PRELID2: variants seen among roughly 807,000 people sequenced by gnomAD.
The protein encoded by PRELID2 is PRELI domain containing 2.
Under a neutral mutation model 28.4 loss-of-function variants are expected in PRELID2, and 25 were observed. The ratio of observed to expected loss-of-function variants is 0.88; its 90% CI spans 0.64 to 1.23. The LOEUF (loss-of-function observed/expected upper bound fraction) is 1.23, where lower values mean the gene tolerates loss of function less well. Ranked by LOEUF, PRELID2 falls within the 50% of genes most tolerant of loss-of-function variation. The pLI, the probability that PRELID2 is intolerant of heterozygous loss-of-function variation, is 0.00. For synonymous variants in PRELID2, 76 were observed against 71.6 expected (o/e 1.06, Z -0.31); for missense variants, 201 against 214.4 (o/e 0.94, Z 0.39).
At chr5:145,333,434 T>C in the PRELID2 span, among the ~76,000 whole-genome samples, 1 of 152,198 alleles carries the variant, frequency 6.6e-6, no homozygotes, top group Non-Finnish European at 1.5e-5. Context: ...AGCCCCTGAC[T>C]GGGGCTGCTG....
intron 1 of PRELID2, among the ~76,000 whole-genome samples, chr5:145,585,200 C>A (rs1329332259): frequency 6.6e-6 from 1 of 152,132 alleles, no homozygotes; most frequent in African/African-American, 2.4e-5. Flanking sequence ...AAACCAAACA[C>A]CACATGTTCT....
At chr5:145,641,441 G>T (rs540052374) in intron 1 of PRELID2, among the ~76,000 whole-genome samples, 12 of 152,166 alleles carry the variant, frequency 7.9e-5, no homozygotes, top group African/African-American at 2.7e-4. Context: ...ATGCCATTTC[G>T]CAAACACTAA....
intron 1 of PRELID2, among the ~76,000 whole-genome samples, chr5:145,525,409 G>C (rs760141032): frequency 6.6e-6 from 1 of 152,064 alleles, no homozygotes. Flanking sequence ...TAATGATATC[G>C]CCTTTTTAAA....
chr5:145,431,009 T>TG, the PRELID2 span, among the ~76,000 whole-genome samples: 4 of 137,454 alleles, frequency 2.9e-5, no homozygotes, highest in African/African-American at 6.0e-5. Context: ...GGCAATGGTT[T>TG]TTTTTTTTTT....
chr5:145,733,664 C>A (rs891719784), intron 1 of PRELID2, among the ~76,000 whole-genome samples: 1 of 152,170 alleles, frequency 6.6e-6, no homozygotes. Flanking sequence ...ACATCTAACT[C>A]AAAAGCAATC....
intron 1 of PRELID2, among the ~76,000 whole-genome samples, chr5:145,741,405 AAATTTATTTAT>A (rs1464973239): frequency 5.9e-5 from 6 of 102,496 alleles, no homozygotes; most frequent in South Asian, 6.0e-4. Context: ...TATATAAACA[AAATTTATTTAT>A]AATTTATTTA....
the PRELID2 span, among the ~76,000 whole-genome samples, chr5:145,294,938 T>C: frequency 8.5e-4 from 129 of 152,286 alleles, 4 homozygotes; most frequent in East Asian, 0.015. Flanking sequence ...ACAACAAACA[T>C]GTTTTTTATT....
chr5:145,427,480 G>C, the PRELID2 span, among the ~76,000 whole-genome samples: 1 of 152,116 alleles, frequency 6.6e-6, no homozygotes, highest in Non-Finnish European at 1.5e-5. Context: ...ATACCCCTTG[G>C]AATTAACTAG....
intron 1 of PRELID2, among the ~76,000 whole-genome samples, chr5:145,524,650 C>T (rs1752592481): frequency 6.6e-6 from 1 of 152,168 alleles, no homozygotes. Context: ...TGTTTGATGT[C>T]CCAGTGACTT....
At chr5:145,699,094 CA>C (rs1333750854) in intron 1 of PRELID2, among the ~76,000 whole-genome samples, 2 of 152,106 alleles carry the variant, frequency 1.3e-5, no homozygotes, top group East Asian at 3.9e-4. Flanking sequence ...TTGGGAGAAA[CA>C]CAAACATTCG....
chr5:145,692,449 C>T (rs1186182274), intron 1 of PRELID2, among the ~76,000 whole-genome samples: 1 of 152,068 alleles, frequency 6.6e-6, no homozygotes. Flanking sequence ...AAAGGGAATA[C>T]TTGACCAGCT....
intron 1 of PRELID2, among the ~76,000 whole-genome samples, chr5:145,579,480 T>G (rs1260559132): frequency 1.3e-5 from 2 of 152,086 alleles, no homozygotes; most frequent in African/African-American, 4.8e-5. Flanking sequence ...TCTGGCCCAT[T>G]GAAGTTTAAG....
chr5:145,781,721 ATATATATATAC>A (rs928954287), intron 5 of PRELID2, among the ~76,000 whole-genome samples: 105 of 146,140 alleles, frequency 7.2e-4, no homozygotes, highest in Non-Finnish European at 1.1e-3. Flanking sequence ...CACACACACT[ATATATATATAC>A]TATATATATA....
intron 1 of PRELID2, among the ~76,000 whole-genome samples, chr5:145,647,211 C>A (rs1235734594): frequency 1.3e-5 from 2 of 152,206 alleles, no homozygotes; most frequent in Non-Finnish European, 2.9e-5. Context: ...CAGAGATGCC[C>A]TGCCCAGAGA....
intron 4 of PRELID2, among the ~76,000 whole-genome samples, chr5:145,812,585 C>T (rs1561638300): frequency 6.6e-6 from 1 of 152,180 alleles, no homozygotes; most frequent in Non-Finnish European, 1.5e-5. Flanking sequence ...ATACATACAT[C>T]AAGCACTTAG....
chr5:145,229,640 G>C, the PRELID2 span: 1 of 923,010 alleles, frequency 1.1e-6, no homozygotes. Context: ...ATCTTCACCA[G>C]ACAAAGGCCC....
chr5:145,675,746 T>A (rs1414364837), intron 1 of PRELID2, among the ~76,000 whole-genome samples: 1 of 152,072 alleles, frequency 6.6e-6, no homozygotes, highest in Non-Finnish European at 1.5e-5. Flanking sequence ...AGAAAAAAAA[T>A]GTGACAAATA....
the PRELID2 span, among the ~76,000 whole-genome samples, chr5:145,335,147 T>A: frequency 6.6e-6 from 1 of 152,044 alleles, no homozygotes; most frequent in Non-Finnish European, 1.5e-5. Context: ...TAAACTGTCT[T>A]CACCTTCCTT....
chr5:145,447,275 G>A, the PRELID2 span, among the ~76,000 whole-genome samples: 1 of 151,546 alleles, frequency 6.6e-6, no homozygotes, highest in Non-Finnish European at 1.5e-5. Context: ...TGTTAGTTAG[G>A]GCCTTAAGTG....
Sources: allele counts gnomAD v4.1 joint callset (sites outside exome capture counted in the v4.1 genomes callset), GRCh38; gene constraint gnomAD v4.1.1; transcripts MANE v1.5; gene names NCBI Gene and HGNC (gene_info 2026-07-23, HGNC 2026-07-21).